Variants in HHLA2 observed in about 807,000 individuals in gnomAD.
HHLA2 encodes HHLA2 member of B7 family.
Under a neutral mutation model 45.9 loss-of-function variants are expected in HHLA2, and 48 were observed. That is an observed-to-expected ratio of 1.05 (90% CI 0.83 to 1.33). The LOEUF (loss-of-function observed/expected upper bound fraction) is 1.33. Ranked by LOEUF, HHLA2 falls within the 40% of genes most tolerant of loss-of-function variation. HHLA2 has a pLI of 0.00. For synonymous variants in HHLA2, 161 were observed against 173.9 expected (o/e 0.93, Z 0.59); for missense variants, 462 against 494.3 (o/e 0.93, Z 0.62).
At chr3:108,339,777 C>T (rs2081534516) in intron 3 of HHLA2, among the ~76,000 whole-genome samples, 1 of 152,274 alleles carries the variant, frequency 6.6e-6, no homozygotes, top group East Asian at 1.9e-4. Context: ...GACAATTCCT[C>T]CTGTCAAACT....
At chr3:108,368,491 T>C (rs892995454) in intron 8 of HHLA2, among the ~76,000 whole-genome samples, 1 of 116,892 alleles carries the variant, frequency 8.6e-6, no homozygotes, top group Non-Finnish European at 1.7e-5. Flanking sequence ...ACACATAGGC[T>C]CAAAATAAAG....
chr3:108,373,381 C>T (rs372878654), intron 8 of HHLA2, among the ~76,000 whole-genome samples: 45 of 151,836 alleles, frequency 3.0e-4, no homozygotes, highest in East Asian at 9.7e-4. Flanking sequence ...TCATACTGAA[C>T]GGACAAAAAC....
At chr3:108,333,883 A>T (rs2081428759) in intron 3 of HHLA2, among the ~76,000 whole-genome samples, 1 of 152,158 alleles carries the variant, frequency 6.6e-6, no homozygotes, top group Non-Finnish European at 1.5e-5. Flanking sequence ...TTTTTGGCTC[A>T]AAAGATTGTA....
intron 3 of HHLA2, among the ~76,000 whole-genome samples, chr3:108,343,993 A>G (rs956250036): frequency 6.6e-6 from 1 of 152,180 alleles, no homozygotes; most frequent in African/African-American, 2.4e-5. Flanking sequence ...ATCATTGTAG[A>G]GCTTTCATTA....
intron 1 of HHLA2, among the ~76,000 whole-genome samples, chr3:108,306,257 G>A (rs115191175): frequency 1.5e-4 from 23 of 152,014 alleles, no homozygotes; most frequent in African/African-American, 4.8e-4. Context: ...CTTGAACATC[G>A]TGTCCCATCT....
chr3:108,327,952 G>T (rs1433777553), intron 2 of HHLA2, among the ~76,000 whole-genome samples: 1 of 152,090 alleles, frequency 6.6e-6, no homozygotes, highest in African/African-American at 2.4e-5. Context: ...GGCCAACGTG[G>T]TGAAACCCTG....
intron 2 of HHLA2, among the ~76,000 whole-genome samples, chr3:108,313,382 G>A (rs573488431): frequency 8.9e-4 from 135 of 152,220 alleles, no homozygotes; most frequent in African/African-American, 2.6e-3. Flanking sequence ...GCTTAATCCC[G>A]GGGGATTTTC....
At chr3:108,352,463 G>T (rs9831270) in intron 4 of HHLA2, among the ~76,000 whole-genome samples, 1 of 151,990 alleles carries the variant, frequency 6.6e-6, no homozygotes, top group Non-Finnish European at 1.5e-5. Flanking sequence ...ACTTGGGCAC[G>T]CAGTTCTTCC....
At chr3:108,342,449 G>A (rs1392482026) in intron 3 of HHLA2, among the ~76,000 whole-genome samples, 2 of 151,892 alleles carry the variant, frequency 1.3e-5, no homozygotes, top group Admixed American at 6.6e-5. Context: ...ATTTTTAGTA[G>A]AGACAGGGTT....
At chr3:108,349,522 A>G (rs2081738803) in intron 3 of HHLA2, among the ~76,000 whole-genome samples, 1 of 152,254 alleles carries the variant, frequency 6.6e-6, no homozygotes, top group Non-Finnish European at 1.5e-5. Flanking sequence ...AACCAAAAAA[A>G]GTCCAGGACC....
intron 8 of HHLA2, among the ~76,000 whole-genome samples, chr3:108,371,770 A>C (rs2082178430): frequency 6.6e-6 from 1 of 152,234 alleles, no homozygotes; most frequent in Admixed American, 6.5e-5. Context: ...CAACAAGAAG[A>C]GCTAACTATC....
chr3:108,356,029 CTTT>C (rs3053487), intron 6 of HHLA2, among the ~76,000 whole-genome samples: 1 of 118,226 alleles, frequency 8.5e-6, no homozygotes, highest in Non-Finnish European at 1.7e-5. Flanking sequence ...ATTTGTTTTC[CTTT>C]TTTTTTTTTT....
intron 3 of HHLA2, among the ~76,000 whole-genome samples, chr3:108,340,468 T>G (rs575071959): frequency 6.6e-6 from 1 of 152,312 alleles, no homozygotes; most frequent in African/African-American, 2.4e-5. Context: ...TCAGAAAACT[T>G]CGTTGGAGAA....
At chr3:108,322,823 T>C in intron 2 of HHLA2, among the ~76,000 whole-genome samples, 1 of 152,212 alleles carries the variant, frequency 6.6e-6, no homozygotes, top group East Asian at 1.9e-4. Context: ...CTGCATTGGA[T>C]GGCTGTAAGA....
intron 7 of HHLA2, 145 bp downstream of exon 6, chr3:108,358,306 G>A (rs142652131): frequency 3.0e-4 from 180 of 600,190 alleles, no homozygotes; most frequent in Admixed American, 6.7e-4. Flanking sequence ...TGGTCAGGAT[G>A]TCGATTACCC....
chr3:108,367,399 C>A (rs963712078), intron 8 of HHLA2, among the ~76,000 whole-genome samples: 8 of 151,982 alleles, frequency 5.3e-5, no homozygotes, highest in Admixed American at 5.2e-4. Context: ...TGGGTAATAA[C>A]AAACTCCTCT....
exon 7 of HHLA2, chr3:108,358,150 C>T: frequency 1.9e-6 from 3 of 1,606,608 alleles, no homozygotes; most frequent in Non-Finnish European, 1.7e-6. Context: ...ACCATCCACA[C>T]AGTGCATGTA....
chr3:108,334,095 G>A (rs2204814), intron 3 of HHLA2, among the ~76,000 whole-genome samples: 84,846 of 151,926 alleles, frequency 0.56, 24,325 homozygotes, highest in Middle Eastern at 0.63. Flanking sequence ...TGAAAATGGG[G>A]TTTCTAAATG....
chr3:108,333,051 G>T (rs1161431011), intron 3 of HHLA2, among the ~76,000 whole-genome samples: 1 of 152,140 alleles, frequency 6.6e-6, no homozygotes, highest in African/African-American at 2.4e-5. Context: ...TCTGCATTCT[G>T]GTGCAGAAAT....
Sources: gnomAD v4.1 joint callset for allele counts (sites outside exome capture counted in the v4.1 genomes callset) on GRCh38, gnomAD v4.1.1 for gene constraint, MANE v1.5 for transcripts, NCBI Gene and HGNC (gene_info 2026-07-23, HGNC 2026-07-21) for gene names.